Variants in ATP13A2 observed in about 807,000 individuals in gnomAD.
ATP13A2 encodes polyamine-transporting ATPase 13A2.
In ATP13A2, 83 loss-of-function variants were observed where a neutral mutation model predicts 138.3. The ratio of observed to expected loss-of-function variants is 0.60; its 90% CI spans 0.50 to 0.72. The LOEUF (loss-of-function observed/expected upper bound fraction) is 0.72, where lower values mean the gene tolerates loss of function less well. Among genes scored for constraint, ATP13A2 ranks in the 30% least tolerant of loss-of-function variants. ATP13A2 has a pLI of 0.00. For missense variants in ATP13A2, 1,402 were observed against 1,606.4 expected (o/e 0.87, Z 2.17); for synonymous variants, 663 against 699.0 (o/e 0.95, Z 0.81).
rs540533484 is a variant in ATP13A2, at chr1:17,003,585, CCACACACACACACA to C, written c.557+733_557+746del. 1.8e-4 allele frequency among the ~76,000 whole-genome samples: 24 copies of C among 133,056 alleles called. No homozygotes were observed. In the South Asian group the frequency reaches 3.1e-3, roughly 17 times the overall value. The allele number at this position is 133,056 out of a possible 152,430, so 87.3% of individuals were successfully genotyped here. On this transcript the variant is annotated intron_variant, in intron 6 of 28. Transcript: ENST00000326735. ...AAAACAAACAAACAAACCAAAAAAA[CCACACACACACACA>C]CACACACACACACACACACACACAT... is the stretch of plus-strand genomic sequence containing the variant.
At position 16,987,129 on chromosome 1, in the gene ATP13A2, G is replaced by A. The variant is rs1260261642; in HGVS notation, c.3000C>T (p.Pro1000=). 7 of 1,612,960 alleles carry A rather than the reference G, an allele frequency of 4.3e-6. No homozygotes were observed. The highest frequency in any genetic ancestry group is 2.7e-5 in the African/African-American group (2 of 74,892). The change falls in exon 26 of 29, where the codon CCC becomes CCT. Residue 1000 remains proline, a synonymous_variant. Coordinates refer to ENST00000326735, the MANE Select transcript of ATP13A2 (RefSeq NM_022089.4). ...TCTGCAGCAGCAGGCTGCTGAGCAC[G>A]GGCACGCTGAGCAGCGCCCCCGGTG... ...VRPPGALLSV[P]VLSSLLLQMV...
intron 1 of ATP13A2, among the ~76,000 whole-genome samples, chr1:17,006,556 T>G (rs2077569203): frequency 6.6e-6 from 1 of 151,768 alleles, no homozygotes; most frequent in African/African-American, 2.4e-5. Context: ...TGGCCAGTAG[T>G]GTCTTGTTTC....
chr1:16,989,203 ACC>A (rs2076837954), intron 23 of ATP13A2, among the ~76,000 whole-genome samples: 1 of 151,856 alleles, frequency 6.6e-6, no homozygotes, highest in Non-Finnish European at 1.5e-5. Flanking sequence ...GGCATGAGCC[ACC>A]GCGCCTGGCC....
chr1:17,009,751 T>C (rs1353911510), intron 1 of ATP13A2, among the ~76,000 whole-genome samples: 1 of 152,104 alleles, frequency 6.6e-6, no homozygotes, highest in Non-Finnish European at 1.5e-5. Flanking sequence ...CCCCAGTATG[T>C]AAACAGCGGT....
At chr1:17,008,880 T>C (rs1191032956) in intron 1 of ATP13A2, among the ~76,000 whole-genome samples, 1 of 148,726 alleles carries the variant, frequency 6.7e-6, no homozygotes, top group East Asian at 2.0e-4. Flanking sequence ...GGGAGAATGG[T>C]GTGAACCCAG....
At chr1:17,001,914 A>G in intron 8 of ATP13A2, 120 bp downstream of exon 8, 2 of 1,009,690 alleles carry the variant, frequency 2.0e-6, no homozygotes, top group South Asian at 1.7e-5. Context: ...ACGATCCACT[A>G]TGGAGAAGGG....
At chr1:16,994,709 C>CTGGA (rs2077057097) in intron 15 of ATP13A2, among the ~76,000 whole-genome samples, 2 of 152,006 alleles carry the variant, frequency 1.3e-5, no homozygotes, top group African/African-American at 4.8e-5. Flanking sequence ...GTTGCCCAGG[C>CTGGA]TGGAGTGCAG....
rs1414662479 is a variant in ATP13A2 at position 16,987,145 on chromosome 1, GC to G, written c.2983del (p.Ala995ArgfsTer18). 1 of 1,612,844 alleles carries G rather than the reference GC, an allele frequency of 6.2e-7. No homozygotes were observed. Among genetic ancestry groups the G allele is most frequent in the Non-Finnish European group, 8.5e-7 (1 of 1,179,612 alleles). ...LVLGRVRPPG[A>X]LLSVPVLSSL... ...GCTGAGCACGGGCACGCTGAGCAGC[GC>G]CCCCGGTGGCCGCACCCGTCCCAGG... On this transcript the variant is annotated frameshift_variant, in exon 26 of 29. Coordinates refer to ENST00000326735, the MANE Select transcript of ATP13A2 (RefSeq NM_022089.4). LOFTEE classifies it high-confidence loss of function.
chr1:17,003,242 G>A (rs2077426539), intron 6 of ATP13A2, among the ~76,000 whole-genome samples: 1 of 152,124 alleles, frequency 6.6e-6, no homozygotes, highest in East Asian at 1.9e-4. Flanking sequence ...TTGTCTGGGG[G>A]TCTGCTTCTG....
At position 16,987,231 on chromosome 1, in the gene ATP13A2, G is replaced by A. The variant is rs369100259; in HGVS notation, c.2898C>T (p.Ile966=). ...CCACTGTGGTGGTGATGACCAGGTC[G>A]ATGGCCAGGAACTGCAGGTCACCCA... The part of the protein sequence containing the change: ...TNLGDLQFLA[I]DLVITTTVAV... Residue 966 remains isoleucine, a synonymous_variant, in exon 26 of 29, where the codon ATC becomes ATT. Transcript: ENST00000326735. 4.8e-5 allele frequency: 77 copies of A among 1,613,868 alleles called. No individual in the cohort carries two copies. Among genetic ancestry groups the A allele is most frequent in the Admixed American group, 4.3e-4 (26 of 60,016 alleles).
intron 3 of ATP13A2, 119 bp from the exon 4 acceptor site, chr1:17,005,191 A>G: frequency 2.7e-6 from 4 of 1,502,676 alleles, no homozygotes; most frequent in Non-Finnish European, 3.7e-6. Flanking sequence ...AGAGCCCTCC[A>G]GAAACCACCC....
chr1:16,999,197 G>A (rs767176742), intron 11 of ATP13A2, among the ~76,000 whole-genome samples: 14 of 151,532 alleles, frequency 9.2e-5, no homozygotes, highest in East Asian at 5.8e-4. Flanking sequence ...TCTGACCAAC[G>A]TGGTGAAACC....
chr1:16,993,882 G>T (rs2100821765), intron 15 of ATP13A2, 47 bp from the exon 16 acceptor site: 1 of 1,463,946 alleles, frequency 6.8e-7, no homozygotes. Flanking sequence ...TGGGATGGGG[G>T]TACCCTGCTG....
intron 16 of ATP13A2, 80 bp from the exon 17 acceptor site, chr1:16,992,661 C>T: frequency 7.0e-7 from 1 of 1,434,682 alleles, no homozygotes; most frequent in Non-Finnish European, 9.8e-7. Flanking sequence ...GGAAGACTTC[C>T]TTCATGGGAG....
Position 17,005,322 on chromosome 1 carries a change from G to A in ATP13A2, c.288+52C>T, listed in dbSNP as rs190280779. On this transcript the variant is annotated intron_variant, in intron 3 of 28. Coordinates refer to ENST00000326735, the MANE Select transcript of ATP13A2 (RefSeq NM_022089.4). ...TGGCACCCAAGCATCCTCCACCCCCGACCCTGACCCTCACTGCGCTTCTCT... is the reference window on the plus strand; with the variant it reads ...TGGCACCCAAGCATCCTCCACCCCCAACCCTGACCCTCACTGCGCTTCTCT... 78 of 1,555,468 alleles carry A rather than the reference G, an allele frequency of 5.0e-5. No individual in the cohort carries two copies. In the East Asian group the frequency reaches 8.6e-4, roughly 17 times the overall value.
Position 16,993,790 on chromosome 1 carries a change from G to A in ATP13A2, c.1588C>T (p.Pro530Ser). 6.3e-7 allele frequency: 1 copy of A among 1,584,978 alleles called. No homozygotes were observed. The highest frequency in any genetic ancestry group is 8.6e-7 in the Non-Finnish European group (1 of 1,166,386). The change falls in exon 16 of 29, where the codon CCC becomes TCC. Residue 530 changes from proline (P) to serine (S), a missense_variant. Transcript: ENST00000326735. ...EDGLDVMGVV[P>S]LKGQAFLPLV... ...GGCAGGAATGCCTGCCCCTTCAGGG[G>A]CACCACCCCCATCACGTCTAAGCCG...
rs910153065 is a variant in ATP13A2 at position 17,011,445 on chromosome 1, A to C, written c.10+284T>G. On this transcript the variant is annotated intron_variant, in intron 1 of 28. Transcript: ENST00000326735. The surrounding 1 kb of genome is among the most constrained non-coding windows in gnomAD (Gnocchi z 7.3). ...CCGCACGGCCCCAGGACCCTCTTGC[A>C]CAAGCGCCCGGCTTCCAATCCCGCG... 1.3e-5 allele frequency among the ~76,000 whole-genome samples: 2 copies of C among 152,090 alleles called. No individual in the cohort carries two copies. Among genetic ancestry groups the C allele is most frequent in the African/African-American group, 4.8e-5 (2 of 41,422 alleles).
chr1:17,007,195 C>T (rs1260171842), intron 1 of ATP13A2, among the ~76,000 whole-genome samples: 1 of 152,082 alleles, frequency 6.6e-6, no homozygotes, highest in Non-Finnish European at 1.5e-5. Flanking sequence ...TCTTTTCACT[C>T]CTTCCTCCTG....
intron 1 of ATP13A2, among the ~76,000 whole-genome samples, chr1:17,008,117 G>A (rs1227773418): frequency 2.0e-5 from 3 of 152,152 alleles, no homozygotes; most frequent in Admixed American, 2.0e-4. Flanking sequence ...TTACAGGCGT[G>A]AGCCACCATG....
Sources: allele counts gnomAD v4.1 joint callset (sites outside exome capture counted in the v4.1 genomes callset), GRCh38; gene constraint gnomAD v4.1.1; non-coding constraint Gnocchi (gnomAD v3.1); transcripts MANE v1.5; gene names NCBI Gene and HGNC (gene_info 2026-07-23, HGNC 2026-07-21).